The following VMP1 variants were observed in gnomAD, a reference collection of about 807,000 sequenced individuals.
The protein encoded by VMP1 is vacuole membrane protein 1.
A neutral mutation model predicts 56.0 loss-of-function variants in VMP1; 11 were observed. The observed-to-expected ratio is 0.20, with a 90% CI of 0.12 to 0.32. The LOEUF is 0.32. Ranked by LOEUF, VMP1 falls within the 10% of genes least tolerant of loss-of-function variation. The pLI is 1.00. For missense variants in VMP1, 296 were observed against 490.3 expected (o/e 0.60, Z 3.74); for synonymous variants, 149 against 165.0 (o/e 0.90, Z 0.74).
chr17:59,721,072 G>A (rs1047511685), intron 1 of VMP1, among the ~76,000 whole-genome samples: 27 of 152,084 alleles, frequency 1.8e-4, no homozygotes, highest in African/African-American at 5.3e-4. Flanking sequence ...GGGGCCGGGC[G>A]CGGTGGCTCA....
chr17:59,745,334 A>G (rs1292141625), intron 5 of VMP1, among the ~76,000 whole-genome samples: 1 of 152,242 alleles, frequency 6.6e-6, no homozygotes, highest in Admixed American at 6.5e-5. Flanking sequence ...CCAAGAGCCA[A>G]GCTAGTCAAT....
chr17:59,760,807 GATGGGGTTTC>G (rs2036023946), intron 5 of VMP1, among the ~76,000 whole-genome samples: 1 of 152,052 alleles, frequency 6.6e-6, no homozygotes, highest in Non-Finnish European at 1.5e-5. Flanking sequence ...TTTTAGTAGG[GATGGGGTTTC>G]ACCATGTTAG....
chr17:59,783,069 G>A (rs1229007859), intron 7 of VMP1, among the ~76,000 whole-genome samples: 2 of 152,054 alleles, frequency 1.3e-5, no homozygotes, highest in African/African-American at 2.4e-5. Context: ...GGTGGCGGGC[G>A]CCTCTAGTCC....
intron 9 of VMP1, among the ~76,000 whole-genome samples, chr17:59,812,608 G>C (rs1266928435): frequency 6.6e-6 from 1 of 152,168 alleles, no homozygotes; most frequent in African/African-American, 2.4e-5. Flanking sequence ...TATCAGTATG[G>C]TTTGTAACAA....
chr17:59,723,626 C>G (rs1162490982), intron 1 of VMP1, among the ~76,000 whole-genome samples: 1 of 152,100 alleles, frequency 6.6e-6, no homozygotes, highest in Admixed American at 6.6e-5. Context: ...ATGTCGGCAA[C>G]TCTTTTGAGC....
chr17:59,715,387 C>G (rs548636029), intron 1 of VMP1, among the ~76,000 whole-genome samples: 13 of 152,104 alleles, frequency 8.5e-5, no homozygotes, highest in Non-Finnish European at 1.9e-4. Flanking sequence ...ACCTTCTTCA[C>G]AAGGCAGCAG....
At chr17:59,790,740 A>G (rs1012565328) in intron 7 of VMP1, among the ~76,000 whole-genome samples, 1 of 152,186 alleles carries the variant, frequency 6.6e-6, no homozygotes, top group Non-Finnish European at 1.5e-5. Flanking sequence ...GCAGTGAGCC[A>G]TGATCACGCC....
chr17:59,715,889 C>T (rs2034132178), intron 1 of VMP1, among the ~76,000 whole-genome samples: 3 of 151,988 alleles, frequency 2.0e-5, no homozygotes. Flanking sequence ...TCACTTTGTT[C>T]TAGTAGTTCT....
intron 7 of VMP1, among the ~76,000 whole-genome samples, chr17:59,802,768 A>C (rs1206146126): frequency 1.3e-5 from 2 of 152,002 alleles, no homozygotes; most frequent in Non-Finnish European, 2.9e-5. Context: ...GGTTTTGAGA[A>C]AGAGTTTAGC....
intron 7 of VMP1, among the ~76,000 whole-genome samples, chr17:59,781,342 A>T (rs1002055939): frequency 2.0e-5 from 3 of 152,216 alleles, no homozygotes; most frequent in Non-Finnish European, 4.4e-5. Context: ...GAAAGCTCAC[A>T]CACCTTCTCC....
rs933622145 is a variant in VMP1 at position 59,841,128 on chromosome 17, G to A, written c.*1217G>A. On this transcript the variant is annotated 3_prime_UTR_variant, in exon 12 of 12. Coordinates refer to ENST00000262291, the MANE Select transcript of VMP1 (RefSeq NM_030938.5). ...ATGAGCATTATGTCAGAATAGAATA[G>A]AATTGGGGTTCGATCTTAACAGGCC... 2 of 257,878 alleles carry A rather than the reference G, an allele frequency of 7.8e-6. No homozygotes were observed. The highest frequency in any genetic ancestry group is 8.3e-5 in the East Asian group (1 of 12,116). 16.0% of individuals were successfully genotyped at this position (257,878 alleles called of 1,614,324 possible). A position where few individuals can be genotyped will look rare whatever the true frequency, so the allele number is the denominator to read the frequency against.
chr17:59,794,111 AG>A (rs1482284676), intron 7 of VMP1, among the ~76,000 whole-genome samples: 3 of 146,012 alleles, frequency 2.1e-5, no homozygotes, highest in Non-Finnish European at 4.5e-5. Flanking sequence ...TAGTAGAGAC[AG>A]GGTTTCACCG....
chr17:59,840,501 T>C lies in VMP1; in HGVS notation c.*590T>C, dbSNP rs1253813500. 1 of 152,730 alleles carries C rather than the reference T, an allele frequency of 6.5e-6. No individual in the cohort carries two copies. Among genetic ancestry groups the C allele is most frequent in the African/African-American group, 2.4e-5 (1 of 41,440 alleles). 9.5% of individuals were successfully genotyped at this position (152,730 alleles called of 1,614,324 possible). A position where few individuals can be genotyped will look rare whatever the true frequency, so the allele number is the denominator to read the frequency against. ...CAGTATAAGGAAAATCTGGTTGGTGTCTTACAAGTGAGCTGACACCATTTT... is the reference window on the plus strand; with the variant it reads ...CAGTATAAGGAAAATCTGGTTGGTGCCTTACAAGTGAGCTGACACCATTTT... On this transcript the variant is annotated 3_prime_UTR_variant, in exon 12 of 12. Coordinates refer to ENST00000262291, the MANE Select transcript of VMP1 (RefSeq NM_030938.5).
intron 1 of VMP1, among the ~76,000 whole-genome samples, chr17:59,728,544 A>G (rs533426567): frequency 6.6e-6 from 1 of 152,300 alleles, no homozygotes; most frequent in African/African-American, 2.4e-5. Flanking sequence ...TGGGTCTTCT[A>G]TTAAATATAG....
At chr17:59,723,233 A>G (rs2034466846) in intron 1 of VMP1, among the ~76,000 whole-genome samples, 1 of 152,222 alleles carries the variant, frequency 6.6e-6, no homozygotes, top group Admixed American at 6.5e-5. Flanking sequence ...ATAAAGCAGT[A>G]TGGCAACATC....
chr17:59,809,010 T>A (rs964305516), intron 8 of VMP1, 134 bp downstream of exon 8: 7 of 742,564 alleles, frequency 9.4e-6, no homozygotes, highest in Non-Finnish European at 1.5e-5. Flanking sequence ...CACCTTTTTT[T>A]TTTTTTAAGA....
chr17:59,758,670 A>G (rs1423077941), intron 5 of VMP1, among the ~76,000 whole-genome samples: 2 of 151,502 alleles, frequency 1.3e-5, no homozygotes, highest in Non-Finnish European at 2.9e-5. Flanking sequence ...AAAATAACAA[A>G]AAAAAAATTA....
chr17:59,784,146 A>T (rs1022933935), intron 7 of VMP1, among the ~76,000 whole-genome samples: 67 of 143,028 alleles, frequency 4.7e-4, no homozygotes, highest in African/African-American at 1.6e-3. Context: ...TGTGTGTGAG[A>T]GAGAGAGAGA....
intron 5 of VMP1, among the ~76,000 whole-genome samples, chr17:59,764,580 G>A (rs938036609): frequency 3.3e-5 from 5 of 152,296 alleles, no homozygotes; most frequent in East Asian, 1.9e-4. Context: ...TGGCTCAGCC[G>A]CCCAAAGTGG....
Sources: allele counts gnomAD v4.1 joint callset (sites outside exome capture counted in the v4.1 genomes callset), GRCh38; gene constraint gnomAD v4.1.1; transcripts MANE v1.5; gene names NCBI Gene and HGNC (gene_info 2026-07-23, HGNC 2026-07-21).